SH3D19: variants seen among roughly 807,000 people sequenced by gnomAD.
SH3D19 encodes the protein SH3 domain containing 19, also known as SH3 domain-containing protein 19.
In SH3D19, 58 loss-of-function variants were observed where a neutral mutation model predicts 112.1. That is an observed-to-expected ratio of 0.52 (90% confidence interval 0.42 to 0.64). SH3D19 has a LOEUF of 0.64. Ranked by LOEUF, SH3D19 falls within the 30% of genes least tolerant of loss-of-function variation. The probability of loss-of-function intolerance (pLI) is 0.00; values close to 1 mark genes in which losing one functional copy is unlikely to be tolerated. For missense variants in SH3D19, 1,090 were observed against 1,263.4 expected (o/e 0.86, Z 2.08); for synonymous variants, 391 against 448.5 (o/e 0.87, Z 1.62).
At chr4:151,127,258 C>A (rs1393711435) in intron 19 of SH3D19, among the ~76,000 whole-genome samples, 1 of 152,188 alleles carries the variant, frequency 6.6e-6, no homozygotes, top group Non-Finnish European at 1.5e-5. Flanking sequence ...TTCAAAGACA[C>A]ATCAATGGCA....
At chr4:151,201,155 C>T (rs950627627) in intron 2 of SH3D19, among the ~76,000 whole-genome samples, 6 of 152,122 alleles carry the variant, frequency 3.9e-5, no homozygotes, top group African/African-American at 1.4e-4. Context: ...AAATTCATGA[C>T]CTCTAAATAA....
chr4:151,283,200 G>C (rs772130284), intron 1 of SH3D19: 1 of 1,613,666 alleles, frequency 6.2e-7, no homozygotes. Flanking sequence ...CAATCCCATC[G>C]GTATCTTCTT....
In SH3D19 at chr4:151,275,838, TATTATTA is replaced by T. The variant is rs760926901; in HGVS notation, c.112+49396_112+49402del. Among the ~76,000 whole-genome samples, 23 of 65,036 alleles carry T rather than the reference TATTATTA, an allele frequency of 3.5e-4. 1 individual carries two copies. The highest frequency in any genetic ancestry group is 9.7e-4 in the East Asian group (3 of 3,096). The allele number at this position is 65,036 out of a possible 152,430, so 42.7% of individuals were successfully genotyped here. A position where few individuals can be genotyped will look rare whatever the true frequency, so the allele number is the denominator to read the frequency against. ...GCCCAGCCACTTCTATTATTATTATTATTATTATTATTTTTTTTTTTTTAGACGGAGT... is the reference window on the plus strand; with the variant it reads ...GCCCAGCCACTTCTATTATTATTATTTTATTTTTTTTTTTTTAGACGGAGT... On this transcript the variant is annotated intron_variant, in intron 1 of 19. Transcript: ENST00000604030.
At chr4:151,299,580 CAAA>C (rs369585943) in intron 1 of SH3D19, among the ~76,000 whole-genome samples, 2 of 92,802 alleles carry the variant, frequency 2.2e-5, no homozygotes, top group African/African-American at 4.2e-5. Flanking sequence ...AACTCCGTCT[CAAA>C]AAAAAAAAAA....
chr4:151,175,375 T>C lies in SH3D19; in HGVS notation c.829A>G (p.Ser277Gly). The stretch of plus-strand genomic sequence containing the variant: ...TTCATAATGTTCATCACTGCCTGAC[T>C]GTCTGAGGTGCTAGCGTTGTCCAGC... ...SLLDNASTSDSQAVMNIMNTE... is the reference protein window; with the variant it reads ...SLLDNASTSDGQAVMNIMNTE... Residue 277 changes from serine to glycine, a missense_variant, in exon 7 of 20, where the codon AGT (serine) becomes GGT (glycine). Coordinates refer to ENST00000604030, the MANE Select transcript of SH3D19 (RefSeq NM_001378122.1). 6.3e-7 allele frequency: 1 copy of C among 1,594,802 alleles called. No individual in the cohort carries two copies. Among genetic ancestry groups the C allele is most frequent in the South Asian group, 1.2e-5 (1 of 86,388 alleles).
intron 2 of SH3D19, among the ~76,000 whole-genome samples, chr4:151,213,560 G>T (rs771826268): frequency 3.9e-5 from 6 of 152,070 alleles, no homozygotes; most frequent in Non-Finnish European, 8.8e-5. Flanking sequence ...TGGGAAAACT[G>T]CTTGAGCCTA....
chr4:151,300,016 A>T (rs1455933882), intron 1 of SH3D19, among the ~76,000 whole-genome samples: 3 of 152,152 alleles, frequency 2.0e-5, no homozygotes, highest in African/African-American at 7.2e-5. Context: ...AGCCTGACCA[A>T]CACGGAGAAA....
chr4:151,219,578 G>A (rs1353445583), intron 2 of SH3D19, among the ~76,000 whole-genome samples: 1 of 152,200 alleles, frequency 6.6e-6, no homozygotes, highest in African/African-American at 2.4e-5. Context: ...TCATTACCAT[G>A]TTAGTGCACA....
intron 9 of SH3D19, among the ~76,000 whole-genome samples, chr4:151,157,409 T>A (rs1417129846): frequency 7.1e-6 from 1 of 141,218 alleles, no homozygotes; most frequent in Non-Finnish European, 1.6e-5. Flanking sequence ...CCAGTTGGGA[T>A]GGCTATTATC....
chr4:151,210,199 T>A (rs577787178), intron 2 of SH3D19, among the ~76,000 whole-genome samples: 10 of 152,292 alleles, frequency 6.6e-5, no homozygotes, highest in Admixed American at 5.2e-4. Flanking sequence ...CACAAGGAGA[T>A]AATCAGTGAT....
chr4:151,215,991 C>T (rs536698054), intron 2 of SH3D19, among the ~76,000 whole-genome samples: 276 of 152,142 alleles, frequency 1.8e-3, no homozygotes, highest in Non-Finnish European at 3.0e-3. Context: ...CCACCATGCC[C>T]GGCTAATTTT....
At chr4:151,189,615 A>G (rs2407428) in intron 2 of SH3D19, among the ~76,000 whole-genome samples, 126,578 of 152,112 alleles carry the variant, frequency 0.83, 54,193 homozygotes, top group Non-Finnish European at 0.95. Context: ...AAAAAGAGGC[A>G]TTCCCTTGCA....
intron 1 of SH3D19, among the ~76,000 whole-genome samples, chr4:151,319,343 C>T (rs912404955): frequency 6.6e-6 from 1 of 152,242 alleles, no homozygotes; most frequent in Non-Finnish European, 1.5e-5. Flanking sequence ...AGCCACTGTA[C>T]CTGGCCCAGG....
chr4:151,236,034 C>A (rs10016998), intron 1 of SH3D19, among the ~76,000 whole-genome samples: 125,405 of 152,216 alleles, frequency 0.82, 53,658 homozygotes, highest in Non-Finnish European at 0.95. Context: ...GCCAGTGGGA[C>A]GCAATGATAA....
chr4:151,262,676 TTCTCTC>T (rs61642865), intron 1 of SH3D19: 2,341 of 145,070 alleles, frequency 0.016, 21 homozygotes, highest in Non-Finnish European at 0.026. Flanking sequence ...GCCAACATTC[TTCTCTC>T]TCTCTCTCTC....
At chr4:151,238,345 C>T (rs1770288998) in intron 1 of SH3D19, among the ~76,000 whole-genome samples, 1 of 152,116 alleles carries the variant, frequency 6.6e-6, no homozygotes, top group African/African-American at 2.4e-5. Context: ...GACAAGAATA[C>T]AGAAAACAAA....
chr4:151,253,387 C>T (rs1771557333), intron 1 of SH3D19, among the ~76,000 whole-genome samples: 1 of 152,208 alleles, frequency 6.6e-6, no homozygotes, highest in Admixed American at 6.5e-5. Flanking sequence ...TGTCTGACCA[C>T]CCTATTTAAA....
At chr4:151,155,655 G>C (rs1005116076) in intron 9 of SH3D19, among the ~76,000 whole-genome samples, 11 of 152,174 alleles carry the variant, frequency 7.2e-5, no homozygotes, top group Non-Finnish European at 1.6e-4. Context: ...AGAGGCCGAG[G>C]CGGATGGACC....
intron 19 of SH3D19, 85 bp downstream of exon 19, chr4:151,127,533 T>C (rs766667569): frequency 9.4e-6 from 7 of 747,786 alleles, no homozygotes; most frequent in Non-Finnish European, 1.5e-5. Context: ...TGATTAATAT[T>C]CCACCCAAAT....
Sources: gnomAD v4.1 joint callset for allele counts (sites outside exome capture counted in the v4.1 genomes callset) on GRCh38, gnomAD v4.1.1 for gene constraint, MANE v1.5 for transcripts, NCBI Gene and HGNC (gene_info 2026-07-23, HGNC 2026-07-21) for gene names.